SPATA16: variants seen among roughly 807,000 people sequenced by gnomAD.
SPATA16 encodes spermatogenesis associated 16, also known as spermatogenesis-associated protein 16.
Under a neutral mutation model 63.3 loss-of-function variants are expected in SPATA16, and 36 were observed. The observed-to-expected ratio is 0.57, with a 90% CI of 0.44 to 0.75. SPATA16 has a LOEUF of 0.75. Ranked by LOEUF, SPATA16 falls within the 30% of genes least tolerant of loss-of-function variation. SPATA16 has a pLI of 0.00. For synonymous variants in SPATA16, 203 were observed against 216.7 expected, an observed-to-expected ratio of 0.94 and a Z score of 0.56; for missense variants, 646 against 679.3, an observed-to-expected ratio of 0.95 and a Z score of 0.54.
At position 173,071,082 on chromosome 3, in the gene SPATA16, C is replaced by A. The variant is rs111507379; in HGVS notation, c.613-21988G>T. The stretch of plus-strand genomic sequence containing the variant: ...AATTATACTAGAAAGCTATAGTGAC[C>A]AAAATGATATGATGTTGACATAAAA... On this transcript the variant is annotated intron_variant, in intron 2 of 10. Coordinates refer to ENST00000351008, the MANE Select transcript of SPATA16 (RefSeq NM_031955.6). Among the ~76,000 whole-genome samples, 797 of 152,140 alleles carry A rather than the reference C, an allele frequency of 5.2e-3. 4 individuals carry two copies. The highest frequency in any genetic ancestry group is 0.017 in the African/African-American group (718 of 41,516).
chr3:173,095,646 CTT>C (rs1240899834), intron 2 of SPATA16, among the ~76,000 whole-genome samples: 1 of 152,088 alleles, frequency 6.6e-6, no homozygotes, highest in African/African-American at 2.4e-5. Flanking sequence ...TATTGACAGT[CTT>C]TATATTTCTT....
At chr3:173,074,534 A>G (rs1034857615) in intron 2 of SPATA16, among the ~76,000 whole-genome samples, 2 of 152,168 alleles carry the variant, frequency 1.3e-5, no homozygotes, top group Non-Finnish European at 2.9e-5. Flanking sequence ...GTCTGCCACC[A>G]TGTAAGACGT....
At chr3:173,079,523 T>C (rs1460273100) in intron 2 of SPATA16, among the ~76,000 whole-genome samples, 1 of 152,214 alleles carries the variant, frequency 6.6e-6, no homozygotes, top group Non-Finnish European at 1.5e-5. Flanking sequence ...AAAGTAATGT[T>C]ATTGTTATAT....
chr3:172,901,126 A>C (rs1732118239), intron 10 of SPATA16, among the ~76,000 whole-genome samples: 1 of 151,628 alleles, frequency 6.6e-6, no homozygotes, highest in Admixed American at 6.6e-5. Context: ...ATTTGTTGTG[A>C]CTGTGTTTTT....
chr3:173,010,612 G>A (rs1210114167), intron 4 of SPATA16, among the ~76,000 whole-genome samples: 1 of 152,138 alleles, frequency 6.6e-6, no homozygotes, highest in Non-Finnish European at 1.5e-5. Flanking sequence ...CTAGCTTGCC[G>A]CAACTGCCCT....
In SPATA16 at chr3:173,110,712, A is replaced by G. The variant is rs191872597; in HGVS notation, c.612+6408T>C. 1.0e-3 allele frequency among the ~76,000 whole-genome samples: 159 copies of G among 152,338 alleles called. 1 individual carries two copies. The highest frequency in any genetic ancestry group is 2.0e-3 in the Non-Finnish European group (133 of 68,022). On this transcript the variant is annotated intron_variant, in intron 2 of 10. Coordinates refer to ENST00000351008, the MANE Select transcript of SPATA16 (RefSeq NM_031955.6). The stretch of plus-strand genomic sequence containing the variant: ...AGAAAGTTGCTCAAACTCACATAGC[A>G]TCAGCGCAGCATCAAACACAGATAA...
intron 4 of SPATA16, among the ~76,000 whole-genome samples, chr3:172,989,681 G>A (rs1213782481): frequency 6.6e-6 from 1 of 152,182 alleles, no homozygotes; most frequent in Non-Finnish European, 1.5e-5. Context: ...CATATTAGCA[G>A]TGCCTGATAC....
intron 6 of SPATA16, among the ~76,000 whole-genome samples, chr3:172,930,886 A>G (rs1311878730): frequency 2.0e-5 from 3 of 150,682 alleles, no homozygotes; most frequent in South Asian, 4.2e-4. Flanking sequence ...CTGGAGTGCA[A>G]TGGCACCATC....
intron 4 of SPATA16, among the ~76,000 whole-genome samples, chr3:172,983,104 A>T (rs1734359152): frequency 6.6e-6 from 1 of 152,230 alleles, no homozygotes; most frequent in Non-Finnish European, 1.5e-5. Context: ...ACAGAAGGAC[A>T]TTGCTCTGCT....
intron 6 of SPATA16, among the ~76,000 whole-genome samples, chr3:172,927,988 C>A (rs774886331): frequency 2.0e-5 from 3 of 151,940 alleles, no homozygotes; most frequent in Non-Finnish European, 4.4e-5. Context: ...TGGCTCACTG[C>A]AAACTCCGCC....
chr3:173,119,926 A>T (rs989013592), intron 1 of SPATA16, among the ~76,000 whole-genome samples: 1 of 152,118 alleles, frequency 6.6e-6, no homozygotes, highest in Non-Finnish European at 1.5e-5. Flanking sequence ...TATCTGTACT[A>T]AAAATACAAA....
At chr3:172,951,159 T>C (rs1421825452) in intron 6 of SPATA16, among the ~76,000 whole-genome samples, 3 of 152,142 alleles carry the variant, frequency 2.0e-5, no homozygotes, top group Admixed American at 6.5e-5. Flanking sequence ...TAGGTTTTTT[T>C]CTTAAATAAT....
At chr3:173,062,832 G>C (rs1253110065) in intron 2 of SPATA16, among the ~76,000 whole-genome samples, 4 of 152,124 alleles carry the variant, frequency 2.6e-5, no homozygotes, top group Non-Finnish European at 5.9e-5. Flanking sequence ...CAGATTATCA[G>C]GCATTAGTTA....
At chr3:173,088,009 T>C (rs556482329) in intron 2 of SPATA16, among the ~76,000 whole-genome samples, 1 of 15,418 alleles carries the variant, frequency 6.5e-5, no homozygotes, top group East Asian at 1.6e-3. Context: ...TTTCTTTCCG[T>C]CTTTCTTTCT....
At chr3:172,914,058 C>T (rs1732428269) in intron 9 of SPATA16, among the ~76,000 whole-genome samples, 1 of 151,966 alleles carries the variant, frequency 6.6e-6, no homozygotes, top group Non-Finnish European at 1.5e-5. Context: ...TTAATTCTCT[C>T]AGGAAATGGC....
chr3:173,136,174 C>T (rs1949587), intron 1 of SPATA16, among the ~76,000 whole-genome samples: 64,684 of 151,894 alleles, frequency 0.43, 16,007 homozygotes, highest in African/African-American at 0.69. Flanking sequence ...TTGATGTTAG[C>T]GGCTTGGAAA....
intron 2 of SPATA16, among the ~76,000 whole-genome samples, chr3:173,059,867 G>A (rs1407776752): frequency 1.2e-5 from 1 of 86,856 alleles, no homozygotes; most frequent in Non-Finnish European, 2.1e-5. Context: ...TTTTTTTGAC[G>A]TACAGCTATT....
intron 6 of SPATA16, among the ~76,000 whole-genome samples, chr3:172,947,752 G>C (rs1254282168): frequency 6.6e-6 from 1 of 152,042 alleles, no homozygotes; most frequent in Non-Finnish European, 1.5e-5. Flanking sequence ...CACAGGGAGG[G>C]GAACATCACT....
intron 8 of SPATA16, among the ~76,000 whole-genome samples, chr3:172,922,088 AT>A: frequency 6.6e-6 from 1 of 152,210 alleles, no homozygotes; most frequent in East Asian, 1.9e-4. Flanking sequence ...TCACCAATTC[AT>A]TATTTGCTTC....
Sources: gnomAD v4.1 joint callset for allele counts (sites outside exome capture counted in the v4.1 genomes callset) on GRCh38, gnomAD v4.1.1 for gene constraint, MANE v1.5 for transcripts, NCBI Gene and HGNC (gene_info 2026-07-23, HGNC 2026-07-21) for gene names.